Variants in PITPNM2 observed in about 807,000 individuals in gnomAD.
The protein encoded by PITPNM2 is phosphatidylinositol transfer protein membrane associated 2, also known as membrane-associated phosphatidylinositol transfer protein 2.
PITPNM2 carries 35 observed loss-of-function variants against 132.2 expected under a neutral mutation model. The ratio of observed to expected loss-of-function variants is 0.26; its 90% CI spans 0.20 to 0.35. The LOEUF (loss-of-function observed/expected upper bound fraction) is 0.35, where lower values mean the gene tolerates loss of function less well. Among genes scored for constraint, PITPNM2 ranks in the 10% least tolerant of loss-of-function variants. The pLI, the probability that PITPNM2 is intolerant of heterozygous loss-of-function variation, is 1.00. For synonymous variants in PITPNM2, 738 were observed against 799.2 expected (o/e 0.92, Z 1.29); for missense variants, 1,332 against 1,912.0 (o/e 0.70, Z 5.66).
chr12:122,997,678 G>C, intron 10 of PITPNM2, 106 bp from the exon 11 acceptor site: 1 of 1,465,890 alleles, frequency 6.8e-7, no homozygotes, highest in Non-Finnish European at 9.2e-7. Flanking sequence ...CAGCCCAACT[G>C]CTCCCTCTGA....
chr12:123,081,059 G>A (rs2041948597), intron 2 of PITPNM2: 1 of 152,218 alleles, frequency 6.6e-6, no homozygotes, highest in African/African-American at 2.4e-5. Flanking sequence ...CAGTTCTAAG[G>A]CCTGAGGAGA....
intron 2 of PITPNM2, among the ~76,000 whole-genome samples, chr12:123,102,405 C>A (rs762157009): frequency 6.6e-6 from 1 of 152,222 alleles, no homozygotes; most frequent in Admixed American, 6.5e-5. Context: ...AGCCCATACA[C>A]CAATCAATGG....
At chr12:123,085,869 G>C (rs927290956) in intron 2 of PITPNM2, among the ~76,000 whole-genome samples, 16 of 152,170 alleles carry the variant, frequency 1.1e-4, no homozygotes, top group African/African-American at 3.6e-4. Context: ...GAACACCAGG[G>C]ACCTTCAGAG....
intron 1 of PITPNM2, among the ~76,000 whole-genome samples, chr12:123,121,432 C>T (rs1422945072): frequency 6.6e-6 from 1 of 152,206 alleles, no homozygotes; most frequent in Non-Finnish European, 1.5e-5. Flanking sequence ...TTTCCTACTT[C>T]TTAGTGTTCC....
chr12:123,101,589 C>T (rs1027374959), intron 2 of PITPNM2, among the ~76,000 whole-genome samples: 1 of 152,182 alleles, frequency 6.6e-6, no homozygotes, highest in Admixed American at 6.5e-5. Context: ...ACGTCCAGCA[C>T]ATAGTGCAGC....
chr12:122,998,419 G>GTA (rs2038521157), intron 10 of PITPNM2, among the ~76,000 whole-genome samples: 4 of 152,124 alleles, frequency 2.6e-5, no homozygotes, highest in African/African-American at 9.7e-5. Flanking sequence ...ATAGCGTGTC[G>GTA]GTGCCAGGCT....
At chr12:123,029,454 C>T (rs930795618) in intron 3 of PITPNM2, among the ~76,000 whole-genome samples, 9 of 152,146 alleles carry the variant, frequency 5.9e-5, no homozygotes, top group Non-Finnish European at 1.0e-4. Flanking sequence ...GGCATGGAGG[C>T]GGGCACCTGT....
Position 123,000,802 on chromosome 12 carries a change from A to G in PITPNM2, c.1200T>C (p.Ser400=). The G allele has an allele frequency of 6.2e-7, 1 of 1,613,870 alleles. No homozygotes were observed. The highest frequency in any genetic ancestry group is 8.5e-7 in the Non-Finnish European group (1 of 1,179,996). ...QGAPEFRVAS[S]VEQLNIIEDE... ...CCTCTATGATGTTCAGCTGCTCCAC[A>G]CTGGAGGCCACCCTGAACTCAGGGG... The change falls in exon 10 of 26, where the codon AGT becomes AGC. Residue 400 remains serine (S), a synonymous_variant. Coordinates refer to ENST00000320201, the MANE Select transcript of PITPNM2 (RefSeq NM_020845.3). The surrounding 1 kb of genome is among the most constrained non-coding windows in gnomAD (Gnocchi z 5.4).
At chr12:123,060,029 T>C (rs1358229867) in intron 2 of PITPNM2, among the ~76,000 whole-genome samples, 1 of 152,172 alleles carries the variant, frequency 6.6e-6, no homozygotes, top group African/African-American at 2.4e-5. Flanking sequence ...ATCAGTTTCC[T>C]TTTTTTCTCC....
Position 122,990,537 on chromosome 12 carries a change from A to G in PITPNM2, c.2569+8T>C. 1 of 1,612,632 alleles carries G rather than the reference A, an allele frequency of 6.2e-7. No homozygotes were observed. The highest frequency in any genetic ancestry group is 8.5e-7 in the Non-Finnish European group (1 of 1,179,834). ...GAGTGAGGAGGGTGAGGGGCCTGGT[A>G]TACTCACTCTGGGCGATGCTGGATG... On this transcript the variant is annotated splice_region_variant and intron_variant, in intron 17 of 25. Transcript: ENST00000320201.
intron 2 of PITPNM2, among the ~76,000 whole-genome samples, chr12:123,100,359 C>T (rs2042532652): frequency 6.6e-6 from 1 of 152,216 alleles, no homozygotes; most frequent in South Asian, 2.1e-4. Flanking sequence ...GGCATGGTGG[C>T]TCATGCCTGT....
At position 122,985,908 on chromosome 12, in the gene PITPNM2, C is replaced by T; in HGVS notation, c.*119G>A. 1 of 990,490 alleles carries T rather than the reference C, an allele frequency of 1.0e-6. No individual in the cohort carries two copies. The highest frequency in any genetic ancestry group is 1.4e-6 in the Non-Finnish European group (1 of 737,388). The allele number at this position is 990,490 out of a possible 1,614,324, so 61.4% of individuals were successfully genotyped here. On this transcript the variant is annotated 3_prime_UTR_variant, in exon 26 of 26. Transcript: ENST00000320201. ...TGTGTGGTGCGGCCCGTGTCCTCCA[C>T]AAGGCCCTGGGACAATCTCCCAGGC...
chr12:123,040,404 C>A (rs963033615), intron 2 of PITPNM2, among the ~76,000 whole-genome samples: 1 of 151,984 alleles, frequency 6.6e-6, no homozygotes, highest in South Asian at 2.1e-4. Context: ...TATATACTTA[C>A]CACAATTTAA....
chr12:123,119,621 G>A (rs1012347607), intron 1 of PITPNM2, among the ~76,000 whole-genome samples: 3 of 151,976 alleles, frequency 2.0e-5, no homozygotes, highest in Non-Finnish European at 4.4e-5. Context: ...GCCTCCCAAA[G>A]TGCTGGGATT....
chr12:123,087,994 A>G (rs2042161586), intron 2 of PITPNM2: 1 of 152,212 alleles, frequency 6.6e-6, no homozygotes, highest in Non-Finnish European at 1.5e-5. Context: ...ATAAAAACAC[A>G]AATGAGATTA....
chr12:123,014,082 A>G (rs1444769593), intron 3 of PITPNM2, 40 bp from the exon 4 acceptor site: 1 of 1,608,254 alleles, frequency 6.2e-7, no homozygotes, highest in Non-Finnish European at 8.5e-7. Flanking sequence ...GTGGGGCCAG[A>G]GCACTCTTCA....
intron 1 of PITPNM2, among the ~76,000 whole-genome samples, chr12:123,134,300 C>T (rs955770579): frequency 1.3e-5 from 2 of 151,490 alleles, no homozygotes; most frequent in Non-Finnish European, 1.5e-5. Flanking sequence ...TCTGACCTTG[C>T]GATCTGCCCA....
intron 3 of PITPNM2, among the ~76,000 whole-genome samples, chr12:123,030,563 C>T (rs1040578897): frequency 6.6e-6 from 1 of 151,880 alleles, no homozygotes; most frequent in Non-Finnish European, 1.5e-5. Flanking sequence ...GGTGGTGGCA[C>T]GCGCCTGTAG....
chr12:122,986,617 C>T (rs182159779), intron 24 of PITPNM2, 29 bp downstream of exon 24: 5 of 1,605,810 alleles, frequency 3.1e-6, no homozygotes, highest in Non-Finnish European at 4.3e-6. Flanking sequence ...GCCCCCACCC[C>T]TGCCCTGCCC....
Sources: gnomAD v4.1 joint callset for allele counts (sites outside exome capture counted in the v4.1 genomes callset) on GRCh38, gnomAD v4.1.1 for gene constraint, Gnocchi (gnomAD v3.1) non-coding constraint, MANE v1.5 for transcripts, NCBI Gene and HGNC (gene_info 2026-07-23, HGNC 2026-07-21) for gene names.